The following SLC29A3 variants were observed in gnomAD, a reference collection of about 807,000 sequenced individuals.
SLC29A3 encodes solute carrier family 29 member 3, also known as equilibrative nucleoside transporter 3.
SLC29A3 carries 18 observed loss-of-function variants against 25.4 expected under a neutral mutation model. That is an observed-to-expected ratio of 0.71 (90% CI 0.49 to 1.05). SLC29A3 has a LOEUF of 1.05. Among genes scored for constraint, SLC29A3 ranks in the 50% least tolerant of loss-of-function variants. SLC29A3 has a pLI of 0.00. For synonymous variants in SLC29A3, 258 were observed against 267.1 expected (o/e 0.97, Z 0.33); for missense variants, 586 against 609.0 (o/e 0.96, Z 0.40).
intron 3 of SLC29A3, among the ~76,000 whole-genome samples, chr10:71,348,389 C>T (rs997953396): frequency 6.6e-6 from 1 of 152,220 alleles, no homozygotes; most frequent in Non-Finnish European, 1.5e-5. Flanking sequence ...TCGGGTCTAG[C>T]TGCTTCTTTT....
At chr10:71,361,645 A>G (rs530726875) in intron 5 of SLC29A3, among the ~76,000 whole-genome samples, 3 of 152,214 alleles carry the variant, frequency 2.0e-5, no homozygotes, top group Non-Finnish European at 4.4e-5. Flanking sequence ...CTACTCTCCT[A>G]AAATATAACA....
intron 5 of SLC29A3, among the ~76,000 whole-genome samples, chr10:71,359,945 C>T (rs1219514822): frequency 6.6e-6 from 1 of 152,172 alleles, no homozygotes; most frequent in African/African-American, 2.4e-5. Flanking sequence ...GTGATCTAAG[C>T]TTTCTTATTG....
intron 2 of SLC29A3, among the ~76,000 whole-genome samples, chr10:71,329,424 C>T (rs1461553252): frequency 6.7e-6 from 1 of 148,728 alleles, no homozygotes; most frequent in African/African-American, 2.5e-5. Context: ...TGGCACTGCA[C>T]TCCAGCCTGG....
At chr10:71,330,993 C>T (rs1846105319) in intron 2 of SLC29A3, among the ~76,000 whole-genome samples, 1 of 152,080 alleles carries the variant, frequency 6.6e-6, no homozygotes. Context: ...AGACCTGGGC[C>T]CTGTCAACCC....
At position 71,356,105 on chromosome 10, in the gene SLC29A3, G is replaced by A. The variant is rs748020424; in HGVS notation, c.635G>A (p.Ser212Asn). The part of the protein sequence containing the change: ...ISGGAMGGTV[S>N]AVASLVDLAA... ...GGAGGAGCCATGGGCGGGACGGTCA[G>A]CGCCGTGGCCTCATTGGTGGACTTG... The change falls in exon 5 of 6, where the codon AGC (serine) becomes AAC (asparagine). Residue 212 changes from serine to asparagine, a missense_variant. Ser to Asn is a conservative substitution (Grantham distance 46, BLOSUM62 1). Transcript: ENST00000373189. The A allele has an allele frequency of 4.3e-6, 7 of 1,614,162 alleles. No individual in the cohort carries two copies. The South Asian group carries it at 7.7e-5, about 18-fold the overall frequency.
At chr10:71,336,774 C>T (rs920772866) in intron 2 of SLC29A3, among the ~76,000 whole-genome samples, 2 of 151,980 alleles carry the variant, frequency 1.3e-5, no homozygotes, top group African/African-American at 4.8e-5. Context: ...GCCTTGCACA[C>T]ACTGCAAGGA....
chr10:71,363,878 C>G (rs1391259345), downstream of SLC29A3, among the ~76,000 whole-genome samples: 1 of 136,260 alleles, frequency 7.3e-6, no homozygotes, highest in African/African-American at 2.8e-5. Context: ...GGCTCAATCT[C>G]GGCTCACTGC....
chr10:71,320,828 G>A (rs1421363637), intron 1 of SLC29A3, among the ~76,000 whole-genome samples: 4 of 152,266 alleles, frequency 2.6e-5, no homozygotes, highest in South Asian at 2.1e-4. Flanking sequence ...GGCCCCTCCC[G>A]ACTCACTGGC....
chr10:71,344,119 CCA>C, intron 2 of SLC29A3, 88 bp from the exon 3 acceptor site: 1 of 1,063,034 alleles, frequency 9.4e-7, no homozygotes, highest in East Asian at 2.4e-5. Context: ...GGGAGAAGCC[CCA>C]CAGAGAGGGG....
chr10:71,338,770 A>C (rs1384926624), intron 2 of SLC29A3, among the ~76,000 whole-genome samples: 1 of 152,156 alleles, frequency 6.6e-6, no homozygotes, highest in Admixed American at 6.5e-5. Context: ...AAAAAAGAAA[A>C]AAAAATCAAA....
At chr10:71,327,009 CT>C (rs1845987894) in intron 2 of SLC29A3, among the ~76,000 whole-genome samples, 1 of 152,242 alleles carries the variant, frequency 6.6e-6, no homozygotes, top group South Asian at 2.1e-4. Context: ...CTGTGAGAGG[CT>C]GCCCGTCTGC....
At chr10:71,320,322 T>A (rs1845820555) in intron 1 of SLC29A3, among the ~76,000 whole-genome samples, 1 of 152,206 alleles carries the variant, frequency 6.6e-6, no homozygotes, top group Non-Finnish European at 1.5e-5. Flanking sequence ...AAACACTAAT[T>A]TTTAAAATGT....
At chr10:71,344,346 A>G in intron 3 of SLC29A3, 55 bp downstream of exon 3, 2 of 1,359,006 alleles carry the variant, frequency 1.5e-6, no homozygotes, top group East Asian at 2.3e-5. Flanking sequence ...TGCCTCCTCT[A>G]CTCCCCTCTT....
chr10:71,340,538 G>C (rs1846375571), intron 2 of SLC29A3, among the ~76,000 whole-genome samples: 4 of 152,174 alleles, frequency 2.6e-5, no homozygotes, highest in Admixed American at 2.6e-4. Flanking sequence ...AGACTTTTGA[G>C]GGAGCTCTCA....
intron 2 of SLC29A3, among the ~76,000 whole-genome samples, chr10:71,339,325 C>T (rs1330783437): frequency 6.6e-6 from 1 of 152,218 alleles, no homozygotes; most frequent in Non-Finnish European, 1.5e-5. Context: ...GATGCGATTA[C>T]TTAGAGACTG....
In SLC29A3 at chr10:71,347,472, T is replaced by C. The variant is rs545391616; in HGVS notation, c.383+3181T>C. 7.2e-5 allele frequency among the ~76,000 whole-genome samples: 11 copies of C among 152,126 alleles called. No individual in the cohort carries two copies. The South Asian group carries it at 1.0e-3, about 14-fold the overall frequency. On this transcript the variant is annotated intron_variant, in intron 3 of 5. Coordinates refer to ENST00000373189, the MANE Select transcript of SLC29A3 (RefSeq NM_018344.6). ...CCCCAGACATTACAGCAGCTGAAAG[T>C]CTAGACTTTCCTAAGACCCTAAGAG...
At chr10:71,328,500 A>G (rs932139834) in intron 2 of SLC29A3, among the ~76,000 whole-genome samples, 1 of 152,224 alleles carries the variant, frequency 6.6e-6, no homozygotes, top group Non-Finnish European at 1.5e-5. Flanking sequence ...CCCGTAGGTC[A>G]GGAACTGTTA....
chr10:71,364,523 C>A (rs1223985369), downstream of SLC29A3: 1 of 152,236 alleles, frequency 6.6e-6, no homozygotes, highest in African/African-American at 2.4e-5. Context: ...GGAACCAGAT[C>A]AGACGAGGAG....
chr10:71,335,670 G>T (rs773528686), intron 2 of SLC29A3, among the ~76,000 whole-genome samples: 1 of 152,168 alleles, frequency 6.6e-6, no homozygotes, highest in Non-Finnish European at 1.5e-5. Flanking sequence ...TTGAAGAGGG[G>T]CTGAGAAAAG....
Sources: allele counts gnomAD v4.1 joint callset (sites outside exome capture counted in the v4.1 genomes callset), GRCh38; gene constraint gnomAD v4.1.1; transcripts MANE v1.5; gene names NCBI Gene and HGNC (gene_info 2026-07-23, HGNC 2026-07-21).